Variants in DIPK2B observed in about 807,000 individuals in gnomAD.
DIPK2B encodes the protein UPF0672 protein CXorf36.
A neutral mutation model predicts 22.2 loss-of-function variants in DIPK2B; 15 were observed. The ratio of observed to expected loss-of-function variants is 0.68; its 90% CI spans 0.45 to 1.04. The LOEUF (loss-of-function observed/expected upper bound fraction) is 1.04. DIPK2B is among the 50% of genes least tolerant of loss of function. DIPK2B has a pLI of 0.00. For missense variants in DIPK2B, 345 were observed against 348.3 expected, an observed-to-expected ratio of 0.99 and a Z score of 0.08; for synonymous variants, 163 against 153.2, an observed-to-expected ratio of 1.06 and a Z score of -0.47.
chrX:45,163,894 G>C (rs1204392752), intron 2 of DIPK2B: 2 of 876,715 alleles, frequency 2.3e-6, no homozygotes, highest in Non-Finnish European at 2.8e-6. Context: ...AGATCACAGG[G>C]GGATCACATC....
rs932963004 is a variant in DIPK2B, at chrX:45,150,923, T to A, written c.*729A>T. 1 of 111,502 alleles carries A rather than the reference T, an allele frequency of 9.0e-6. No individual in the cohort carries two copies. 9.2% of individuals were successfully genotyped at this position (111,502 alleles called of 1,213,427 possible). On this transcript the variant is annotated 3_prime_UTR_variant, in exon 5 of 5. Transcript: ENST00000398000. Reference sequence around the variant, plus strand: ...TCCATTCACTCTATCTTGACACATATTCTTGGAAGACTTGGGCTAACACAT... The same window carrying A: ...TCCATTCACTCTATCTTGACACATAATCTTGGAAGACTTGGGCTAACACAT...
intron 3 of DIPK2B, among the ~76,000 whole-genome samples, chrX:45,157,159 T>C (rs2148334122): frequency 9.0e-6 from 1 of 111,415 alleles, no homozygotes; most frequent in South Asian, 3.8e-4. Flanking sequence ...TTTGTTTCCA[T>C]GATAAGTGTC....
intron 2 of DIPK2B, among the ~76,000 whole-genome samples, chrX:45,176,815 C>A (rs1364655194): frequency 9.0e-6 from 1 of 111,668 alleles, no homozygotes; most frequent in Non-Finnish European, 1.9e-5. Context: ...ATCTCCTGCC[C>A]TTGGTCAAAA....
At chrX:45,152,720 C>T in intron 4 of DIPK2B, among the ~76,000 whole-genome samples, 1 of 111,350 alleles carries the variant, frequency 9.0e-6, no homozygotes, top group East Asian at 2.8e-4. Context: ...CACCTGAGGT[C>T]AGGAGTTCGA....
At chrX:45,192,093 C>T in intron 1 of DIPK2B, 78 bp from the exon 2 acceptor site, 1 of 969,091 alleles carries the variant, frequency 1.0e-6, no homozygotes, top group African/African-American at 1.9e-5. Flanking sequence ...AGACAGGGGA[C>T]AATAGCCCAA....
chrX:45,164,027 T>G (rs1385263335), intron 2 of DIPK2B: 1 of 999,334 alleles, frequency 1.0e-6, no homozygotes, highest in South Asian at 4.1e-5. Context: ...GGTGGGCCTG[T>G]GTGTTGGTGA....
At chrX:45,191,351 A>G in intron 2 of DIPK2B, 1 of 143,598 alleles carries the variant, frequency 7.0e-6, no homozygotes, top group Non-Finnish European at 1.4e-5. Flanking sequence ...AACAGGATAT[A>G]TATGGGAGCT....
At chrX:45,169,749 A>G (rs1472811490) in intron 2 of DIPK2B, among the ~76,000 whole-genome samples, 1 of 112,269 alleles carries the variant, frequency 8.9e-6, no homozygotes, top group Non-Finnish European at 1.9e-5. Flanking sequence ...CAAACAAACA[A>G]CATCCACACC....
At chrX:45,173,173 C>G (rs1403017618) in intron 2 of DIPK2B, among the ~76,000 whole-genome samples, 1 of 112,150 alleles carries the variant, frequency 8.9e-6, no homozygotes, top group East Asian at 2.8e-4. Flanking sequence ...CTCTGTAGGG[C>G]TGCTTGACAC....
intron 2 of DIPK2B, chrX:45,163,968 G>A (rs2047034914): frequency 3.2e-6 from 3 of 950,662 alleles, no homozygotes; most frequent in Non-Finnish European, 3.9e-6. Flanking sequence ...AAAGAGCCGG[G>A]GCTTTGGAGT....
intron 2 of DIPK2B, among the ~76,000 whole-genome samples, chrX:45,184,367 C>T (rs2047169995): frequency 8.9e-6 from 1 of 111,849 alleles, no homozygotes; most frequent in Non-Finnish European, 1.9e-5. Flanking sequence ...GTAGATGACC[C>T]TTTGCCTTAC....
intron 4 of DIPK2B, 61 bp downstream of exon 4, chrX:45,153,849 C>G: frequency 1.8e-6 from 2 of 1,092,741 alleles, no homozygotes; most frequent in Non-Finnish European, 2.5e-6. Flanking sequence ...CCACCCCTCC[C>G]TAGCTCCTGT....
chrX:45,168,551 C>T (rs974627137), intron 2 of DIPK2B, among the ~76,000 whole-genome samples: 16 of 112,185 alleles, frequency 1.4e-4, no homozygotes, highest in African/African-American at 5.2e-4. Flanking sequence ...CTTCTTTTTG[C>T]TTAGATTCTT....
intron 4 of DIPK2B, among the ~76,000 whole-genome samples, chrX:45,153,294 C>T (rs1399043308): frequency 8.9e-6 from 1 of 111,822 alleles, no homozygotes; most frequent in South Asian, 3.7e-4. Context: ...GTGAGAAACA[C>T]GATTCAGTCA....
rs2047158885 is a variant in DIPK2B at position 45,182,267 on chromosome X, A to G, written c.498+9484T>C. ...AACCCAGTACTTTACCAAAGATGAG[A>G]TCAAAAAAGCCAGTAAATATATGAA... On this transcript the variant is annotated intron_variant, in intron 2 of 4. Transcript: ENST00000398000. Among the ~76,000 whole-genome samples, 3 of 111,674 alleles carry G rather than the reference A, an allele frequency of 2.7e-5. No homozygotes were observed. The Admixed American group carries it at 2.9e-4, about 11-fold the overall frequency.
At chrX:45,161,458 C>T (rs2047022655) in intron 2 of DIPK2B, among the ~76,000 whole-genome samples, 1 of 112,257 alleles carries the variant, frequency 8.9e-6, no homozygotes, top group South Asian at 3.7e-4. Context: ...AGGAGGATCA[C>T]TTGAGAACAG....
intron 2 of DIPK2B, among the ~76,000 whole-genome samples, chrX:45,168,223 C>T (rs1426278878): frequency 8.9e-6 from 1 of 112,008 alleles, no homozygotes; most frequent in African/African-American, 3.3e-5. Flanking sequence ...TCTCTGTTAC[C>T]GTTGGCTTAG....
intron 2 of DIPK2B, among the ~76,000 whole-genome samples, chrX:45,168,595 T>C (rs2047061794): frequency 8.9e-6 from 1 of 112,416 alleles, no homozygotes; most frequent in South Asian, 3.7e-4. Flanking sequence ...TGAGCCCTGA[T>C]GGAATGTTCT....
chrX:45,181,991 C>T (rs1304055396), intron 2 of DIPK2B, among the ~76,000 whole-genome samples: 1 of 108,291 alleles, frequency 9.2e-6, no homozygotes, highest in Non-Finnish European at 1.9e-5. Flanking sequence ...GGCAGGAGGA[C>T]TGCTTGACCC....
Sources: gnomAD v4.1 joint callset for allele counts (sites outside exome capture counted in the v4.1 genomes callset) on GRCh38, gnomAD v4.1.1 for gene constraint, MANE v1.5 for transcripts, NCBI Gene and HGNC (gene_info 2026-07-23, HGNC 2026-07-21) for gene names.